POLE: variants seen among roughly 807,000 people sequenced by gnomAD.
POLE encodes DNA polymerase epsilon, catalytic subunit.
POLE carries 188 observed loss-of-function variants against 279.2 expected under a neutral mutation model. The observed-to-expected ratio is 0.67, with a 90% CI of 0.60 to 0.76. The LOEUF (loss-of-function observed/expected upper bound fraction) is 0.76, where lower values mean the gene tolerates loss of function less well. Among genes scored for constraint, POLE ranks in the 30% least tolerant of loss-of-function variants. POLE has a pLI of 0.00. For synonymous variants in POLE, 1,214 were observed against 1,172.5 expected (o/e 1.04, Z -0.72); for missense variants, 2,703 against 3,016.7 (o/e 0.90, Z 2.44).
chr12:132,669,966 C>G (rs1050793317), intron 16 of POLE, among the ~76,000 whole-genome samples: 2 of 152,152 alleles, frequency 1.3e-5, no homozygotes, highest in African/African-American at 2.4e-5. Context: ...CTGGCGTCCT[C>G]ACATCTACAG....
Position 132,665,351 on chromosome 12 carries a change from C to A in POLE, c.2419G>T (p.Ala807Ser). ...AAGGAGTTCAGGATGCACTTGTGGG[C>A]CAGCTGCAGCGAGTCATACAGCACC... The part of the protein sequence containing the change: ...MEVLYDSLQL[A>S]HKCILNSFYG... The change falls in exon 21 of 49, where the codon GCC becomes TCC. Residue 807 changes from alanine to serine, a missense_variant. Ala to Ser is a moderately conservative substitution (Grantham distance 99). Transcript: ENST00000320574. The A allele has an allele frequency of 6.2e-7, 1 of 1,613,996 alleles. No homozygotes were observed. Among genetic ancestry groups the A allele is most frequent in the Non-Finnish European group, 8.5e-7 (1 of 1,179,998 alleles).
Position 132,661,598 on chromosome 12 carries a change from A to G in POLE, c.2793T>C (p.Phe931=). The G allele has an allele frequency of 6.2e-7, 1 of 1,614,126 alleles. No homozygotes were observed. Among genetic ancestry groups the G allele is most frequent in the Non-Finnish European group, 8.5e-7 (1 of 1,179,998 alleles). The part of the protein sequence containing the change: ...YVTRSENSIF[F]EVDGPYLAMI... ...TGGCAAGGTAGGGCCCATCAACCTC[A>G]AAAAAGATGCTGTTCTCTGAGCGGG... The change falls in exon 24 of 49, where the codon TTT becomes TTC. Residue 931 remains phenylalanine (F), a synonymous_variant. Coordinates refer to ENST00000320574, the MANE Select transcript of POLE (RefSeq NM_006231.4). This position sits in a 1 kb window ranked among gnomAD's most constrained non-coding sequence, Gnocchi z 4.1.
intron 16 of POLE, among the ~76,000 whole-genome samples, chr12:132,671,971 C>T (rs900370019): frequency 5.9e-5 from 9 of 152,170 alleles, no homozygotes; most frequent in South Asian, 4.1e-4. Flanking sequence ...TACATCCCAC[C>T]AGGACCCACC....
rs10526281 is a variant in POLE, at chr12:132,639,952, A to AAAAACAAAAC, written c.5379-664_5379-655dup. ...ACAGAGTGAGACTGTCTCAAAAAAC[A>AAAAACAAAAC]AAAACAAAACAAAACAAAACAAAAC... On this transcript the variant is annotated intron_variant, in intron 39 of 48. Coordinates refer to ENST00000320574, the MANE Select transcript of POLE (RefSeq NM_006231.4). This position sits in a 1 kb window ranked among gnomAD's most constrained non-coding sequence, Gnocchi z 4.7. Among the ~76,000 whole-genome samples the AAAAACAAAAC allele has an allele frequency of 2.1e-3, 313 of 148,798 alleles. 2 individuals are homozygous for AAAAACAAAAC. The highest frequency in any genetic ancestry group is 9.9e-3 in the East Asian group (49 of 4,960).
rs1158070248 is a variant in POLE at position 132,682,275 on chromosome 12, C to T, written c.63-996G>A. ...CGCCACCACACTCCAGCCTGGGCAG[C>T]AGAGCGAGACTCCGGCAAAAAAAAA... On this transcript the variant is annotated intron_variant, in intron 1 of 48. Coordinates refer to ENST00000320574, the MANE Select transcript of POLE (RefSeq NM_006231.4). Among the ~76,000 whole-genome samples the T allele has an allele frequency of 2.1e-5, 3 of 146,300 alleles. No individual in the cohort carries two copies. The Admixed American group carries it at 2.1e-4, about 10-fold the overall frequency.
rs2136000792 is a variant in POLE, at chr12:132,673,695, C to T, written c.1239G>A (p.Arg413=). 1.2e-6 allele frequency: 2 copies of T among 1,613,838 alleles called. No homozygotes were observed. Among genetic ancestry groups the T allele is most frequent in the Non-Finnish European group, 1.7e-6 (2 of 1,179,976 alleles). Residue 413 remains arginine, a synonymous_variant, in exon 13 of 49, where the codon AGG becomes AGA. Coordinates refer to ENST00000320574, the MANE Select transcript of POLE (RefSeq NM_006231.4). ...IHMDCLRWVK[R]DSYLPVGSHN... is the part of the protein sequence containing the mutation. Reference sequence around the variant, plus strand: ...GACTGCCCACAGGAAGGTAACTGTCCCTCTTCACCCACCTGGAAGGAGAAT... The same window carrying T: ...GACTGCCCACAGGAAGGTAACTGTCTCTCTTCACCCACCTGGAAGGAGAAT...
chr12:132,683,777 T>A (rs1365879203), intron 1 of POLE, among the ~76,000 whole-genome samples: 2 of 152,220 alleles, frequency 1.3e-5, no homozygotes, highest in African/African-American at 4.8e-5. Flanking sequence ...TTAAGTAGAC[T>A]AGAAAACTGC....
At position 132,624,566 on chromosome 12, in the gene POLE, GT is replaced by G; in HGVS notation, c.*130del. ...AATGGTTTTCTTTGGTTTCCTCCCCGTTCCCTGGCCTGGGGTCACAGGTTTG... is the reference window on the plus strand; with the variant it reads ...AATGGTTTTCTTTGGTTTCCTCCCCGTCCCTGGCCTGGGGTCACAGGTTTG... On this transcript the variant is annotated 3_prime_UTR_variant, in exon 49 of 49. Transcript: ENST00000320574. 1 of 716,072 alleles carries G rather than the reference GT, an allele frequency of 1.4e-6. No homozygotes were observed. The highest frequency in any genetic ancestry group is 2.5e-5 in the East Asian group (1 of 40,286). The allele number at this position is 716,072 out of a possible 1,614,324, so 44.4% of individuals were successfully genotyped here.
At position 132,673,458 on chromosome 12, in the gene POLE, A is replaced by C. The variant is rs1158576888; in HGVS notation, c.1359+117T>G. 14 of 1,458,836 alleles carry C rather than the reference A, an allele frequency of 9.6e-6. No individual in the cohort carries two copies. The Admixed American group carries it at 1.7e-4, about 18-fold the overall frequency. The allele number at this position is 1,458,836 out of a possible 1,614,324, so 90.4% of individuals were successfully genotyped here. ...TGCTGGGTGGAGCGGGCTGGCATAC[A>C]TGCGTGCACACGGCAGCAGGGGGAG... On this transcript the variant is annotated intron_variant, in intron 13 of 48. Coordinates refer to ENST00000320574, the MANE Select transcript of POLE (RefSeq NM_006231.4).
At chr12:132,626,424 T>G in intron 45 of POLE, 107 bp from the exon 46 acceptor site, 1 of 1,034,144 alleles carries the variant, frequency 9.7e-7, no homozygotes, top group Non-Finnish European at 1.4e-6. Context: ...TGGTGTCCTT[T>G]CCTCCCTTCC....
rs143981093 is a variant in POLE at position 132,649,340 on chromosome 12, C to A, written c.3971G>T (p.Arg1324Leu). The change falls in exon 31 of 49, where the codon CGC (arginine) becomes CTC (leucine). Residue 1324 changes from arginine (R) to leucine (L), a missense_variant. Around this residue, in one of 5 missense-constraint regions of POLE, gnomAD observed 1,551 missense variants for 1,686.1 expected, o/e 0.92. Coordinates refer to ENST00000320574, the MANE Select transcript of POLE (RefSeq NM_006231.4). ...CTGCCACGGAAGGTCCAGGATGCTG[C>A]GGGCAGTTCTTCGCAAGAAGCTCCC... Reference protein sequence around the residue: ...GLGSFLRRTARSILDLPWQIV... With the variant: ...GLGSFLRRTALSILDLPWQIV... 3.7e-6 allele frequency: 6 copies of A among 1,613,640 alleles called. No individual in the cohort carries two copies. The highest frequency in any genetic ancestry group is 5.1e-6 in the Non-Finnish European group (6 of 1,180,038).
intron 1 of POLE, among the ~76,000 whole-genome samples, chr12:132,683,115 G>A (rs2043202828): frequency 6.6e-6 from 1 of 152,110 alleles, no homozygotes; most frequent in Non-Finnish European, 1.5e-5. Flanking sequence ...CTTGTGGTAG[G>A]CAGGCAGGAT....
intron 19 of POLE, among the ~76,000 whole-genome samples, chr12:132,667,940 A>G (rs1203538274): frequency 6.6e-6 from 1 of 152,058 alleles, no homozygotes; most frequent in East Asian, 1.9e-4. Flanking sequence ...AAAATTAGCT[A>G]GGCATGGTGG....
intron 14 of POLE, 91 bp downstream of exon 14, chr12:132,673,073 C>G (rs540344652): frequency 3.3e-6 from 3 of 919,920 alleles, no homozygotes; most frequent in Non-Finnish European, 3.6e-6. Context: ...GCCAGCACTC[C>G]TGGGACATCC....
At position 132,677,607 on chromosome 12, in the gene POLE, G is replaced by C. The variant is rs146592584; in HGVS notation, c.691C>G (p.Arg231Gly). 6.2e-7 allele frequency: 1 copy of C among 1,614,150 alleles called. No individual in the cohort carries two copies. Among genetic ancestry groups the C allele is most frequent in the Non-Finnish European group, 8.5e-7 (1 of 1,180,018 alleles). ...MREYDVPYHI[R>G]LSIDLKIHVA... ...TGGATCTTCAGGTCAATGGAGAGGC[G>C]GATGTGGTAGGGAACATCGTACTCG... Residue 231 changes from arginine to glycine, a missense_variant, in exon 7 of 49, where the codon CGC (arginine) becomes GGC (glycine). Physicochemically the swap from Arg to Gly is moderately radical, Grantham distance 125. Transcript: ENST00000320574.
rs746774432 is a variant in POLE at position 132,667,546 on chromosome 12, C to A, written c.2276G>T (p.Arg759Leu). 4 of 1,613,856 alleles carry A rather than the reference C, an allele frequency of 2.5e-6. No individual in the cohort carries two copies. Among genetic ancestry groups the A allele is most frequent in the Non-Finnish European group, 2.5e-6 (3 of 1,180,006 alleles). The change falls in exon 20 of 49, where the codon CGT becomes CTT. Residue 759 changes from arginine to leucine, a missense_variant. Transcript: ENST00000320574. Reference protein sequence around the residue: ...RENSFYVDTVRAFRDRRYEFK... With the variant: ...RENSFYVDTVLAFRDRRYEFK... ...CTCGTAACGCCTGTCCCGGAAGGCA[C>A]GCACGGTGTCCACGTAGAAGGAGTT... is the stretch of plus-strand genomic sequence containing the variant.
In POLE at chr12:132,649,037, C is replaced by T. The variant is rs1565945435; in HGVS notation, c.4041G>A (p.Leu1347=). ...SETSQAGLFR[L]WALVGSDLHC... is the part of the protein sequence containing the mutation. ...GCAAGTCACTGCCAACGAGCGCCCA[C>T]AGCCTGAACAGGCCGGCCTGGCTGG... is the stretch of plus-strand genomic sequence containing the variant. Residue 1347 remains leucine (L), a synonymous_variant, in exon 32 of 49, where the codon CTG becomes CTA. Coordinates refer to ENST00000320574, the MANE Select transcript of POLE (RefSeq NM_006231.4). 6.2e-7 allele frequency: 1 copy of T among 1,613,526 alleles called. No homozygotes were observed. The highest frequency in any genetic ancestry group is 8.5e-7 in the Non-Finnish European group (1 of 1,179,944).
rs1002181208 is a variant in POLE at position 132,639,212 on chromosome 12, T to A, written c.5465A>T (p.Tyr1822Phe). Residue 1822 changes from tyrosine to phenylalanine, a missense_variant, in exon 40 of 49, where the codon TAC becomes TTC. By Grantham distance (22) the Tyr-to-Phe change is conservative (BLOSUM62 3). Transcript: ENST00000320574. The surrounding 1 kb of genome is among the most constrained non-coding windows in gnomAD (Gnocchi z 4.7). Reference sequence around the variant, plus strand: ...AGAGGATGGCGACCGAAGCCAGCGGTAGAAGTGCATCACCTGGTTGTCTGC... The same window carrying A: ...AGAGGATGGCGACCGAAGCCAGCGGAAGAAGTGCATCACCTGGTTGTCTGC... The part of the protein sequence containing the change: ...IYADNQVMHF[Y>F]RWLRSPSSLL... 6.2e-7 allele frequency: 1 copy of A among 1,614,030 alleles called. No homozygotes were observed. Among genetic ancestry groups the A allele is most frequent in the Non-Finnish European group, 8.5e-7 (1 of 1,179,956 alleles).
rs918158035 is a variant in POLE, at chr12:132,624,332, G to C, written c.*365C>G. The C allele has an allele frequency of 1.5e-5, 5 of 334,658 alleles. No individual in the cohort carries two copies. Among genetic ancestry groups the C allele is most frequent in the African/African-American group, 6.2e-5 (3 of 48,722 alleles). 20.7% of individuals were successfully genotyped at this position (334,658 alleles called of 1,614,324 possible). On this transcript the variant is annotated 3_prime_UTR_variant, in exon 49 of 49. Coordinates refer to ENST00000320574, the MANE Select transcript of POLE (RefSeq NM_006231.4). ...GGGCTTTTCCTCCCTCTGGGAGGCAGGACAAAGAACTAGGGGCACCTAGAG... is the reference window on the plus strand; with the variant it reads ...GGGCTTTTCCTCCCTCTGGGAGGCACGACAAAGAACTAGGGGCACCTAGAG...
Sources: allele counts gnomAD v4.1 joint callset (sites outside exome capture counted in the v4.1 genomes callset), GRCh38; gene constraint gnomAD v4.1.1; regional missense constraint gnomAD v4.1.1; non-coding constraint Gnocchi (gnomAD v3.1); transcripts MANE v1.5; gene names NCBI Gene and HGNC (gene_info 2026-07-23, HGNC 2026-07-21).